The following UTS2 variants were observed in gnomAD, a reference collection of about 807,000 sequenced individuals.
UTS2 encodes urotensin 2.
Under a neutral mutation model 12.6 loss-of-function variants are expected in UTS2, and 10 were observed. That is an observed-to-expected ratio of 0.80 (90% CI 0.49 to 1.35). The LOEUF (loss-of-function observed/expected upper bound fraction) is 1.35. Among genes scored for constraint, UTS2 ranks in the 40% most tolerant of loss-of-function variants. The pLI, the probability that UTS2 is intolerant of heterozygous loss-of-function variation, is 0.00. For missense variants in UTS2, 142 were observed against 143.2 expected (o/e 0.99, Z 0.04); for synonymous variants, 52 against 50.0 (o/e 1.04, Z -0.17).
intron 1 of UTS2, among the ~76,000 whole-genome samples, chr1:7,852,263 C>G (rs930548377): frequency 3.3e-5 from 5 of 152,048 alleles, no homozygotes; most frequent in Non-Finnish European, 7.4e-5. Context: ...TTAGCTTTCT[C>G]ATTTCTCTAA....
the UTS2 span, among the ~76,000 whole-genome samples, chr1:7,900,515 G>A: frequency 4.3e-4 from 65 of 152,218 alleles, no homozygotes; most frequent in East Asian, 1.2e-3. Context: ...GGTGGCTCAC[G>A]CCTGTAATCT....
the UTS2 span, among the ~76,000 whole-genome samples, chr1:7,898,167 A>G: frequency 5.3e-5 from 8 of 152,070 alleles, no homozygotes; most frequent in African/African-American, 1.9e-4. Flanking sequence ...TTTTCTTGTC[A>G]TAAGTTACTG....
At chr1:7,899,126 GTGAAACCTCAT>G in the UTS2 span, among the ~76,000 whole-genome samples, 3 of 152,120 alleles carry the variant, frequency 2.0e-5, no homozygotes, top group Non-Finnish European at 4.4e-5. Context: ...ACCAGATCTT[GTGAAACCTCAT>G]TGACTATAAT....
the UTS2 span, among the ~76,000 whole-genome samples, chr1:7,899,700 TTTTG>T: frequency 6.6e-6 from 1 of 152,180 alleles, no homozygotes; most frequent in African/African-American, 2.4e-5. Context: ...CACTGTTAGA[TTTTG>T]TTTGTGAACT....
At chr1:7,899,586 A>G in the UTS2 span, among the ~76,000 whole-genome samples, 1 of 152,100 alleles carries the variant, frequency 6.6e-6, no homozygotes, top group Non-Finnish European at 1.5e-5. Context: ...GACTCACTGC[A>G]GCCTCAACCT....
chr1:7,854,780 A>G (rs1174497881), upstream of UTS2, among the ~76,000 whole-genome samples: 1 of 152,182 alleles, frequency 6.6e-6, no homozygotes, highest in Admixed American at 6.5e-5. Flanking sequence ...AAAAACGTGA[A>G]GTAATACACA....
At chr1:7,861,578 T>C in the UTS2 span, among the ~76,000 whole-genome samples, 3 of 152,178 alleles carry the variant, frequency 2.0e-5, no homozygotes, top group Admixed American at 2.0e-4. Context: ...CTTGACCCGA[T>C]TTGCCTTTTG....
chr1:7,889,876 C>A, the UTS2 span, among the ~76,000 whole-genome samples: 1 of 152,036 alleles, frequency 6.6e-6, no homozygotes, highest in Non-Finnish European at 1.5e-5. Flanking sequence ...ACCTCCCTGG[C>A]TAACACAGTG....
the UTS2 span, among the ~76,000 whole-genome samples, chr1:7,891,884 G>A: frequency 1.4e-3 from 206 of 152,338 alleles, no homozygotes; most frequent in Non-Finnish European, 2.6e-3. Flanking sequence ...CAGGTGAGTG[G>A]TTGTTTGGAG....
the UTS2 span, among the ~76,000 whole-genome samples, chr1:7,867,428 TATAAG>T: frequency 6.6e-6 from 1 of 152,012 alleles, no homozygotes; most frequent in Non-Finnish European, 1.5e-5. Flanking sequence ...TTGGTGTCCT[TATAAG>T]AAAAGGAGAT....
At chr1:7,906,459 G>GAAAGAA in the UTS2 span, among the ~76,000 whole-genome samples, 1 of 103,162 alleles carries the variant, frequency 9.7e-6, no homozygotes, top group South Asian at 3.4e-4. Flanking sequence ...GAGAAAGAAA[G>GAAAGAA]AAAGAAAGAA....
At chr1:7,880,171 T>G in the UTS2 span, among the ~76,000 whole-genome samples, 1 of 151,984 alleles carries the variant, frequency 6.6e-6, no homozygotes, top group South Asian at 2.1e-4. Flanking sequence ...GATGGGAGGA[T>G]CACCTGAGCC....
chr1:7,864,106 G>C, the UTS2 span, among the ~76,000 whole-genome samples: 1 of 152,250 alleles, frequency 6.6e-6, no homozygotes, highest in South Asian at 2.1e-4. Context: ...TCAAGGGCTG[G>C]TGTGTGTGTT....
chr1:7,855,761 G>A (rs1234330792), upstream of UTS2, among the ~76,000 whole-genome samples: 1 of 151,648 alleles, frequency 6.6e-6, no homozygotes, highest in Non-Finnish European at 1.5e-5. Context: ...GAGTTCAGTG[G>A]CGTGATCATG....
chr1:7,903,733 G>T, the UTS2 span, among the ~76,000 whole-genome samples: 1 of 152,120 alleles, frequency 6.6e-6, no homozygotes, highest in Non-Finnish European at 1.5e-5. Context: ...AAAGATTGGG[G>T]GTTGCAGGAG....
chr1:7,867,733 T>C, the UTS2 span, among the ~76,000 whole-genome samples: 1 of 151,728 alleles, frequency 6.6e-6, no homozygotes, highest in African/African-American at 2.4e-5. Flanking sequence ...AAAATTAGCC[T>C]GGTGTGGTGG....
At chr1:7,875,116 C>T in the UTS2 span, among the ~76,000 whole-genome samples, 2 of 151,528 alleles carry the variant, frequency 1.3e-5, no homozygotes, top group Non-Finnish European at 2.9e-5. Flanking sequence ...ACTCTGTCGC[C>T]CAGGCTGGAG....
At chr1:7,849,744 A>T (rs1214056544) in intron 2 of UTS2, 61 bp from the exon 3 acceptor site, 2 of 1,377,904 alleles carry the variant, frequency 1.5e-6, no homozygotes, top group Non-Finnish European at 2.0e-6. Context: ...TGCTTGTTTT[A>T]AAATATACAA....
At chr1:7,885,915 G>A in the UTS2 span, among the ~76,000 whole-genome samples, 1 of 84,744 alleles carries the variant, frequency 1.2e-5, no homozygotes, top group Non-Finnish European at 2.4e-5. Context: ...GGGTGGGGGG[G>A]GGCGGGTGGA....
Sources: allele counts gnomAD v4.1 joint callset (sites outside exome capture counted in the v4.1 genomes callset), GRCh38; gene constraint gnomAD v4.1.1; transcripts MANE v1.5; gene names NCBI Gene and HGNC (gene_info 2026-07-23, HGNC 2026-07-21).